The following TMEM175 variants were observed in gnomAD, a reference collection of about 807,000 sequenced individuals.
The protein encoded by TMEM175 is transmembrane protein 175.
A neutral mutation model predicts 36.5 loss-of-function variants in TMEM175; 36 were observed. That is an observed-to-expected ratio of 0.99 (90% CI 0.76 to 1.30). The LOEUF (loss-of-function observed/expected upper bound fraction) is 1.30, where lower values mean the gene tolerates loss of function less well. Among genes scored for constraint, TMEM175 ranks in the 50% most tolerant of loss-of-function variants. The pLI is 0.00. For synonymous variants in TMEM175, 339 were observed against 313.4 expected, an observed-to-expected ratio of 1.08 and a Z score of -0.86; for missense variants, 705 against 692.8, an observed-to-expected ratio of 1.02 and a Z score of -0.20.
At chr4:953,376 G>C in intron 8 of TMEM175, 22 bp downstream of exon 8, 1 of 1,586,042 alleles carries the variant, frequency 6.3e-7, no homozygotes, top group South Asian at 1.1e-5. Flanking sequence ...GACAGCCCGT[G>C]GGGCCCAGGC....
intron 10 of TMEM175, chr4:956,171 C>T (rs1729608361): frequency 2.8e-6 from 2 of 722,432 alleles, no homozygotes; most frequent in African/African-American, 3.7e-5. Flanking sequence ...CAGCCAACTG[C>T]TCTCCTCACT....
In TMEM175 at chr4:952,474, C is replaced by CTG. The variant is rs3066989; in HGVS notation, c.462+67_462+68dup. 8.1e-3 allele frequency: 8,177 copies of CTG among 1,006,196 alleles called. 18 individuals carry two copies. The highest frequency in any genetic ancestry group is 0.02 in the African/African-American group (776 of 38,806). 62.3% of individuals were successfully genotyped at this position (1,006,196 alleles called of 1,614,324 possible). A position where few individuals can be genotyped will look rare whatever the true frequency, so the allele number is the denominator to read the frequency against. On this transcript the variant is annotated intron_variant, in intron 7 of 10. Transcript: ENST00000264771. ...AGGTAGGGGGCCTGGGGGGCCTGCA[C>CTG]TGTGTGTGTGTGTGTGTGTGTGTGT...
intron 3 of TMEM175, 179 bp downstream of exon 3, chr4:948,333 T>C: frequency 6.5e-7 from 1 of 1,540,254 alleles, no homozygotes; most frequent in Admixed American, 2.0e-5. Context: ...CTGCTCAGCC[T>C]GTGCTCACCC....
intron 10 of TMEM175, chr4:956,416 A>T (rs1160480242): frequency 1.6e-6 from 2 of 1,284,958 alleles, no homozygotes; most frequent in East Asian, 1.1e-4. Context: ...GTCTCGTCTC[A>T]GTCGTCACGT....
chr4:956,012 C>T, intron 10 of TMEM175, 122 bp downstream of exon 10: 2 of 1,293,040 alleles, frequency 1.5e-6, no homozygotes, highest in South Asian at 2.8e-5. Context: ...CTCTGGATGC[C>T]TAGAGTTTTG....
At chr4:956,380 C>T in intron 10 of TMEM175, 1 of 1,290,600 alleles carries the variant, frequency 7.7e-7, no homozygotes, top group Non-Finnish European at 1.0e-6. Context: ...GCGGCCTCAT[C>T]TGCCTCTTCG....
rs1378789909 is a variant in TMEM175, at chr4:935,279, A to G, written c.-32+2739A>G. ...ATAGTAACACCATCTTAACCCAAATATCTATCTCCATATCTCATCTGAACT... is the reference window on the plus strand; with the variant it reads ...ATAGTAACACCATCTTAACCCAAATGTCTATCTCCATATCTCATCTGAACT... On this transcript the variant is annotated intron_variant, in intron 1 of 10. Transcript: ENST00000264771. Among the ~76,000 whole-genome samples the G allele has an allele frequency of 2.0e-5, 3 of 152,230 alleles. No individual in the cohort carries two copies. The East Asian group carries it at 5.8e-4, about 29-fold the overall frequency.
chr4:949,231 G>GC (rs1297941264), intron 3 of TMEM175, among the ~76,000 whole-genome samples: 1 of 152,234 alleles, frequency 6.6e-6, no homozygotes, highest in East Asian at 1.9e-4. Flanking sequence ...ACAATGAAGG[G>GC]CCCGGGTGGT....
chr4:945,179 T>TGTCATGGCAGTCCCATTGAGAAG (rs1727984536), intron 1 of TMEM175, among the ~76,000 whole-genome samples: 1 of 73,560 alleles, frequency 1.4e-5, no homozygotes, highest in South Asian at 3.5e-4. Flanking sequence ...CCAGTGAGAC[T>TGTCATGGCAGTCCCATTGAGAAG]GCCTGGAATG....
At chr4:941,457 G>C (rs796654830) in intron 1 of TMEM175, among the ~76,000 whole-genome samples, 16 of 127,602 alleles carry the variant, frequency 1.3e-4, no homozygotes, top group African/African-American at 4.4e-4. Context: ...TTTTTTTCTT[G>C]AGATGGAGTC....
At chr4:947,280 G>A (rs969299667) in intron 1 of TMEM175, among the ~76,000 whole-genome samples, 6 of 141,322 alleles carry the variant, frequency 4.2e-5, no homozygotes, top group African/African-American at 1.6e-4. Context: ...GCCCTGTAGA[G>A]AACAGACAGC....
chr4:946,423 G>A (rs1053742100), intron 1 of TMEM175, among the ~76,000 whole-genome samples: 4 of 152,102 alleles, frequency 2.6e-5, no homozygotes, highest in Admixed American at 1.3e-4. Flanking sequence ...CATAGTGCCT[G>A]GTTGGCACGA....
Position 955,928 on chromosome 4 carries a change from G to A in TMEM175, c.842+38G>A, listed in dbSNP as rs754341425. ...CGTCACCTGCCCCAGCTATCAGGTG[G>A]CCAATGTGTCTTGAGTCCCTGGCGT... On this transcript the variant is annotated intron_variant, in intron 10 of 10. Transcript: ENST00000264771. 8.1e-6 allele frequency: 13 copies of A among 1,602,990 alleles called. No individual in the cohort carries two copies. In the South Asian group the frequency reaches 9.9e-5, roughly 12 times the overall value.
chr4:941,795 C>T (rs564683006), intron 1 of TMEM175, among the ~76,000 whole-genome samples: 5 of 151,710 alleles, frequency 3.3e-5, no homozygotes, highest in African/African-American at 1.2e-4. Flanking sequence ...TTTGGCCAGG[C>T]GTGGTGGCTC....
At chr4:952,570 TGTG>T in intron 7 of TMEM175, 120 bp downstream of exon 7, 1 of 805,692 alleles carries the variant, frequency 1.2e-6, no homozygotes, top group Non-Finnish European at 2.0e-6. Flanking sequence ...GCACTGTGTG[TGTG>T]TGTGTGTGTG....
Position 952,470 on chromosome 4 carries a change from T to C in TMEM175, c.462+20T>C, listed in dbSNP as rs765692008. The C allele has an allele frequency of 9.7e-6, 14 of 1,440,758 alleles. No homozygotes were observed. The Admixed American group carries it at 1.1e-4, about 11-fold the overall frequency. The allele number at this position is 1,440,758 out of a possible 1,614,324, so 89.2% of individuals were successfully genotyped here. ...GTGCAGGTAGGGGGCCTGGGGGGCC[T>C]GCACTGTGTGTGTGTGTGTGTGTGT... On this transcript the variant is annotated intron_variant, in intron 7 of 10. Transcript: ENST00000264771.
At chr4:956,799 TC>T in intron 10 of TMEM175, 1 of 304,948 alleles carries the variant, frequency 3.3e-6, no homozygotes, top group South Asian at 2.7e-5. Context: ...AGTGTCTTGT[TC>T]CCTCGTCATA....
Position 952,628 on chromosome 4 carries a change from CTGTGTGTG to C in TMEM175, c.462+202_462+209del, listed in dbSNP as rs35529704. ...CCCTCTTGGGGCCTGGGGTCCTGTG[CTGTGTGTG>C]TGTGTGTGTGTGTGTGTGTGTGTTC... On this transcript the variant is annotated intron_variant, in intron 7 of 10. Transcript: ENST00000264771. 5.2e-3 allele frequency among the ~76,000 whole-genome samples: 603 copies of C among 114,902 alleles called. 28 individuals are homozygous for C. In the South Asian group the frequency reaches 0.12, roughly 22 times the overall value. The allele number at this position is 114,902 out of a possible 152,430, so 75.4% of individuals were successfully genotyped here.
chr4:958,575 T>TCACGGG lies in TMEM175; in HGVS notation c.*82_*87dup. 1 of 1,257,126 alleles carries TCACGGG rather than the reference T, an allele frequency of 8.0e-7. No individual in the cohort carries two copies. 77.9% of individuals were successfully genotyped at this position (1,257,126 alleles called of 1,614,324 possible). A position where few individuals can be genotyped will look rare whatever the true frequency, so the allele number is the denominator to read the frequency against. Reference sequence around the variant, plus strand: ...AGGATGCTGGGCAGGGGAAGCCAAGTCACGGGCAGGCCGCAGTGGTTCTTG... The same window carrying TCACGGG: ...AGGATGCTGGGCAGGGGAAGCCAAGTCACGGGCACGGGCAGGCCGCAGTGGTTCTTG... On this transcript the variant is annotated 3_prime_UTR_variant, in exon 11 of 11. Transcript: ENST00000264771.
Sources: allele counts gnomAD v4.1 joint callset (sites outside exome capture counted in the v4.1 genomes callset), GRCh38; gene constraint gnomAD v4.1.1; transcripts MANE v1.5; gene names NCBI Gene and HGNC (gene_info 2026-07-23, HGNC 2026-07-21).